CORIN: variants seen among roughly 807,000 people sequenced by gnomAD.
The protein encoded by CORIN is corin, serine peptidase.
In CORIN, 117 loss-of-function variants were observed where a neutral mutation model predicts 125.3. The observed-to-expected ratio is 0.93, with a 90% CI of 0.80 to 1.09. The LOEUF (loss-of-function observed/expected upper bound fraction) is 1.09, where lower values mean the gene tolerates loss of function less well. CORIN is among the 50% of genes least tolerant of loss of function. The probability of loss-of-function intolerance (pLI) is 0.00; values close to 1 mark genes in which losing one functional copy is unlikely to be tolerated. For synonymous variants in CORIN, 450 were observed against 466.4 expected (o/e 0.96, Z 0.45); for missense variants, 1,253 against 1,306.7 (o/e 0.96, Z 0.63).
At position 47,717,217 on chromosome 4, in the gene CORIN, G is replaced by A. The variant is rs1727132154; in HGVS notation, c.800-24134C>T. The stretch of plus-strand genomic sequence containing the variant: ...CCAGGCTTTTTCAAGCAACCACATG[G>A]ATCTAATAGACAACTCACGTATACG... On this transcript the variant is annotated intron_variant, in intron 5 of 21. Transcript: ENST00000273857. Among the ~76,000 whole-genome samples, 5 of 152,030 alleles carry A rather than the reference G, an allele frequency of 3.3e-5. No individual in the cohort carries two copies. The South Asian group carries it at 1.0e-3, about 32-fold the overall frequency.
At chr4:47,679,256 A>G (rs1725154895) in intron 8 of CORIN, among the ~76,000 whole-genome samples, 1 of 152,214 alleles carries the variant, frequency 6.6e-6, no homozygotes, top group African/African-American at 2.4e-5. Flanking sequence ...CAGGGGGAAA[A>G]AGTGTTAATA....
chr4:47,698,306 C>G (rs762249149), intron 5 of CORIN, among the ~76,000 whole-genome samples: 88 of 151,572 alleles, frequency 5.8e-4, no homozygotes, highest in Non-Finnish European at 9.4e-4. Context: ...AATTAGGGTG[C>G]CAGGGCAGGC....
intron 5 of CORIN, among the ~76,000 whole-genome samples, chr4:47,728,665 C>T (rs1481274756): frequency 6.6e-6 from 1 of 152,084 alleles, no homozygotes; most frequent in Non-Finnish European, 1.5e-5. Context: ...TAAAAATTTC[C>T]ATATTCTACT....
At chr4:47,696,407 G>T (rs1233896203) in intron 5 of CORIN, among the ~76,000 whole-genome samples, 1 of 152,084 alleles carries the variant, frequency 6.6e-6, no homozygotes, top group East Asian at 1.9e-4. Context: ...TATTTACTGA[G>T]TGTCTACTAT....
chr4:47,645,312 A>C (rs1723417973), intron 13 of CORIN, 118 bp from the exon 14 acceptor site: 1 of 587,272 alleles, frequency 1.7e-6, no homozygotes, highest in Middle Eastern at 4.4e-4. Flanking sequence ...GCAGTGGCTC[A>C]TGCCTGTAAT....
At chr4:47,701,019 T>C (rs1281390761) in intron 5 of CORIN, among the ~76,000 whole-genome samples, 1 of 152,216 alleles carries the variant, frequency 6.6e-6, no homozygotes, top group African/African-American at 2.4e-5. Flanking sequence ...AGGTCTCCAT[T>C]AGTACCTTTT....
At chr4:47,633,801 A>G (rs1471240295) in intron 16 of CORIN, among the ~76,000 whole-genome samples, 1 of 152,188 alleles carries the variant, frequency 6.6e-6, no homozygotes, top group Non-Finnish European at 1.5e-5. Flanking sequence ...CCAGTTCTTC[A>G]GAAAGACTGT....
chr4:47,783,380 C>G (rs1730637207), intron 3 of CORIN, among the ~76,000 whole-genome samples: 1 of 152,078 alleles, frequency 6.6e-6, no homozygotes, highest in African/African-American at 2.4e-5. Context: ...GCTTATTTCA[C>G]TTTCACAAAA....
chr4:47,706,503 G>A lies in CORIN; in HGVS notation c.800-13420C>T. On this transcript the variant is annotated intron_variant, in intron 5 of 21. Coordinates refer to ENST00000273857, the MANE Select transcript of CORIN (RefSeq NM_006587.4). Reference sequence around the variant, plus strand: ...TTCACAGGGCTCCCCGCCCCACCCGGCCTGATAAAGCGCGCCAACTGGGCT... The same window carrying A: ...TTCACAGGGCTCCCCGCCCCACCCGACCTGATAAAGCGCGCCAACTGGGCT... 2.5e-6 allele frequency: 4 copies of A among 1,611,488 alleles called. No individual in the cohort carries two copies. The South Asian group carries it at 4.4e-5, about 18-fold the overall frequency.
At chr4:47,727,214 T>G (rs1372039210) in intron 5 of CORIN, among the ~76,000 whole-genome samples, 2 of 152,090 alleles carry the variant, frequency 1.3e-5, no homozygotes, top group Non-Finnish European at 2.9e-5. Flanking sequence ...AGTGGGAAGC[T>G]TCTCAAATAA....
intron 1 of CORIN, among the ~76,000 whole-genome samples, chr4:47,811,364 A>G (rs967636203): frequency 6.6e-6 from 1 of 152,200 alleles, no homozygotes; most frequent in African/African-American, 2.4e-5. Context: ...AGTCCATTTT[A>G]TCAAGTTTGC....
In CORIN at chr4:47,697,477, G is replaced by A. The variant is rs1050750578; in HGVS notation, c.800-4394C>T. Among the ~76,000 whole-genome samples the A allele has an allele frequency of 3.3e-5, 5 of 152,314 alleles. No homozygotes were observed. The East Asian group carries it at 9.6e-4, about 29-fold the overall frequency. Reference sequence around the variant, plus strand: ...GCCTGTAATCCCAGCACTTTGGAAGGCCGAGGCGGGCAGATCGCCTGAGGT... The same window carrying A: ...GCCTGTAATCCCAGCACTTTGGAAGACCGAGGCGGGCAGATCGCCTGAGGT... On this transcript the variant is annotated intron_variant, in intron 5 of 21. Coordinates refer to ENST00000273857, the MANE Select transcript of CORIN (RefSeq NM_006587.4).
chr4:47,603,303 A>G, intron 20 of CORIN, 94 bp downstream of exon 20: 1 of 1,343,234 alleles, frequency 7.4e-7, no homozygotes, highest in Non-Finnish European at 1.0e-6. Context: ...TCCCTGCAGA[A>G]CTGTGAATCA....
chr4:47,768,081 C>T lies in CORIN; in HGVS notation c.410-4495G>A, dbSNP rs115341550. 7.7e-3 allele frequency among the ~76,000 whole-genome samples: 1,172 copies of T among 152,280 alleles called. 12 individuals carry two copies. The highest frequency in any genetic ancestry group is 0.027 in the African/African-American group (1,101 of 41,546). On this transcript the variant is annotated intron_variant, in intron 3 of 21. Transcript: ENST00000273857. ...TTACCTTTGAAATTCCTTCTCCTGG[C>T]TCACCCCGGCTCAAAAGCTCCCCCA...
intron 1 of CORIN, among the ~76,000 whole-genome samples, chr4:47,834,577 G>A (rs144738956): frequency 6.6e-6 from 1 of 152,118 alleles, no homozygotes; most frequent in Non-Finnish European, 1.5e-5. Context: ...TTAAAAATTT[G>A]CTAGGTGGGT....
At position 47,603,609 on chromosome 4, in the gene CORIN, G is replaced by A. The variant is rs747303237; in HGVS notation, c.2600C>T (p.Ser867Leu). The change falls in exon 20 of 22, where the codon TCA becomes TTA. Residue 867 changes from serine (S) to leucine (L), a missense_variant. Ser to Leu is a moderately radical substitution (Grantham distance 145). Transcript: ENST00000273857. ...CACAAAGCGTGTCTGCATGAACACT[G>A]ATGGATGGTCTAGATTGTTGATGCC... ...VLGINNLDHP[S>L]VFMQTRFVKT... 3 of 1,614,094 alleles carry A rather than the reference G, an allele frequency of 1.9e-6. No homozygotes were observed. Among genetic ancestry groups the A allele is most frequent in the South Asian group, 2.2e-5 (2 of 91,090 alleles).
chr4:47,774,862 C>T (rs1021737783), intron 3 of CORIN, among the ~76,000 whole-genome samples: 74 of 152,120 alleles, frequency 4.9e-4, no homozygotes, highest in African/African-American at 1.7e-3. Flanking sequence ...CACAAAAGGG[C>T]AAATACTGCA....
chr4:47,705,764 G>A (rs61762899), intron 5 of CORIN, among the ~76,000 whole-genome samples: 2 of 152,148 alleles, frequency 1.3e-5, no homozygotes, highest in Non-Finnish European at 2.9e-5. Context: ...TTTGAAGCCA[G>A]TACCTTTCTT....
At chr4:47,741,691 G>A (rs950170164) in intron 5 of CORIN, among the ~76,000 whole-genome samples, 1 of 151,976 alleles carries the variant, frequency 6.6e-6, no homozygotes, top group Middle Eastern at 3.2e-3. Context: ...TTTTAATGTG[G>A]TATATTCCTA....
Sources: allele counts gnomAD v4.1 joint callset (sites outside exome capture counted in the v4.1 genomes callset), GRCh38; gene constraint gnomAD v4.1.1; transcripts MANE v1.5; gene names NCBI Gene and HGNC (gene_info 2026-07-23, HGNC 2026-07-21).